The following GNB5 variants were observed in gnomAD, a reference collection of about 807,000 sequenced individuals.
The protein encoded by GNB5 is G protein subunit beta 5.
A neutral mutation model predicts 55.3 loss-of-function variants in GNB5; 37 were observed. The ratio of observed to expected loss-of-function variants is 0.67; its 90% confidence interval spans 0.51 to 0.88. The LOEUF is 0.88. Among genes scored for constraint, GNB5 ranks in the 40% least tolerant of loss-of-function variants. The probability of loss-of-function intolerance (pLI) is 0.00; values close to 1 mark genes in which losing one functional copy is unlikely to be tolerated. For missense variants in GNB5, 476 were observed against 515.3 expected (o/e 0.92, Z 0.74); for synonymous variants, 219 against 198.5 (o/e 1.10, Z -0.87).
chr15:52,185,544 G>C (rs1207823113), intron 1 of GNB5, among the ~76,000 whole-genome samples: 2 of 152,148 alleles, frequency 1.3e-5, no homozygotes, highest in African/African-American at 4.8e-5. Context: ...ACATGGGTAG[G>C]GGCAGGGTGA....
At chr15:52,158,062 A>C (rs1262606454) in intron 3 of GNB5, among the ~76,000 whole-genome samples, 1 of 152,020 alleles carries the variant, frequency 6.6e-6, no homozygotes, top group Non-Finnish European at 1.5e-5. Context: ...TTCTATAATA[A>C]GAATTTGCTA....
intron 7 of GNB5, chr15:52,138,633 A>T (rs1243717789): frequency 1.3e-5 from 2 of 152,044 alleles, no homozygotes; most frequent in Non-Finnish European, 2.9e-5. Context: ...TGGATGCTCA[A>T]ATTCCCTCAA....
At chr15:52,161,708 A>G (rs554258773) in intron 3 of GNB5, among the ~76,000 whole-genome samples, 1 of 152,344 alleles carries the variant, frequency 6.6e-6, no homozygotes, top group East Asian at 1.9e-4. Context: ...GGCTGGAAGA[A>G]TCATGGAAAG....
Position 52,118,896 on chromosome 15 carries a change from C to T in GNB5, c.*3861G>A, listed in dbSNP as rs2033197298. The T allele has an allele frequency of 1.4e-5, 2 of 138,642 alleles. No homozygotes were observed. The highest frequency in any genetic ancestry group is 3.1e-5 in the Non-Finnish European group (2 of 65,554). 8.6% of individuals were successfully genotyped at this position (138,642 alleles called of 1,614,324 possible). A position where few individuals can be genotyped will look rare whatever the true frequency, so the allele number is the denominator to read the frequency against. On this transcript the variant is annotated 3_prime_UTR_variant, in exon 13 of 13. Transcript: ENST00000261837. ...AAAAAAAAAAAAAAAAAAAAGTGTA[C>T]AGAGATCCTAAGACCAAAAAGTTTG...
intron 3 of GNB5, among the ~76,000 whole-genome samples, chr15:52,170,310 C>T (rs541784666): frequency 3.9e-5 from 6 of 152,084 alleles, no homozygotes; most frequent in Non-Finnish European, 7.4e-5. Flanking sequence ...GTGAAATGAA[C>T]CCAAATGGTC....
chr15:52,141,797 T>C (rs1006054312), intron 6 of GNB5, among the ~76,000 whole-genome samples: 3 of 152,222 alleles, frequency 2.0e-5, no homozygotes, highest in Admixed American at 6.5e-5. Context: ...CTCCTGTCTA[T>C]CTACCACATC....
At chr15:52,136,130 AC>A (rs2033710382) in intron 7 of GNB5, among the ~76,000 whole-genome samples, 3 of 92,618 alleles carry the variant, frequency 3.2e-5, no homozygotes, top group African/African-American at 1.2e-4. Flanking sequence ...ACACACACAC[AC>A]ACACACACAC....
intron 11 of GNB5, 71 bp from the exon 12 acceptor site, chr15:52,124,710 C>G (rs1457640435): frequency 2.3e-6 from 3 of 1,306,856 alleles, no homozygotes; most frequent in Admixed American, 1.8e-5. Context: ...ATGACTGTTA[C>G]TCACTCATTC....
intron 3 of GNB5, among the ~76,000 whole-genome samples, chr15:52,172,406 A>C (rs1243001850): frequency 6.6e-6 from 1 of 151,974 alleles, no homozygotes; most frequent in Non-Finnish European, 1.5e-5. Context: ...TTAGCCTTCC[A>C]AAGTGAGCCA....
At chr15:52,125,768 G>A (rs1179470635) in intron 11 of GNB5, 180 bp downstream of exon 11, 4 of 578,436 alleles carry the variant, frequency 6.9e-6, no homozygotes, top group Middle Eastern at 4.5e-4. Flanking sequence ...GTTGCCTGGG[G>A]CAGGACAAAG....
At position 52,115,378 on chromosome 15, in the gene GNB5, G is replaced by A. The variant is rs1290482264; in HGVS notation, c.*7379C>T. 1 of 152,152 alleles carries A rather than the reference G, an allele frequency of 6.6e-6. No homozygotes were observed. The highest frequency in any genetic ancestry group is 1.5e-5 in the Non-Finnish European group (1 of 68,032). 9.4% of individuals were successfully genotyped at this position (152,152 alleles called of 1,614,324 possible). A position where few individuals can be genotyped will look rare whatever the true frequency, so the allele number is the denominator to read the frequency against. ...CCTGTCTCTGCAACTTGGAAGCTGT[G>A]CAGCTATGGGCAAGTTATTCAACTC... On this transcript the variant is annotated 3_prime_UTR_variant, in exon 13 of 13. Coordinates refer to ENST00000261837, the MANE Select transcript of GNB5 (RefSeq NM_016194.4).
At chr15:52,180,491 C>T (rs1315110744) in intron 2 of GNB5, 1 of 152,268 alleles carries the variant, frequency 6.6e-6, no homozygotes. Flanking sequence ...GCTGGGTTCT[C>T]AGACGGAGTC....
At position 52,182,655 on chromosome 15, in the gene GNB5, AG is replaced by A. The variant is rs367870901; in HGVS notation, c.126+1895del. Among the ~76,000 whole-genome samples the A allele has an allele frequency of 6.0e-3, 915 of 152,326 alleles. 7 individuals are homozygous for A. Among genetic ancestry groups the A allele is most frequent in the South Asian group, 0.043 (206 of 4,822 alleles). ...TAAAGGGTCACTCCTATTCACAAAA[AG>A]GGCCCAATGGGGACTGTGTCTACAT... On this transcript the variant is annotated intron_variant, in intron 2 of 12. Coordinates refer to ENST00000261837, the MANE Select transcript of GNB5 (RefSeq NM_016194.4).
rs1343409188 is a variant in GNB5, at chr15:52,119,930, A to C, written c.*2827T>G. 2 of 152,306 alleles carry C rather than the reference A, an allele frequency of 1.3e-5. No homozygotes were observed. The highest frequency in any genetic ancestry group is 4.8e-5 in the African/African-American group (2 of 41,444). The allele number at this position is 152,306 out of a possible 1,614,324, so 9.4% of individuals were successfully genotyped here. The stretch of plus-strand genomic sequence containing the variant: ...ACCTAGAGAAGGGTGCAAAGGAGGT[A>C]GAAGAGCGGGAAGAGGGCAGTGGCA... On this transcript the variant is annotated 3_prime_UTR_variant, in exon 13 of 13. Coordinates refer to ENST00000261837, the MANE Select transcript of GNB5 (RefSeq NM_016194.4).
At chr15:52,152,606 T>C (rs2034122701) in intron 4 of GNB5, among the ~76,000 whole-genome samples, 1 of 150,462 alleles carries the variant, frequency 6.6e-6, no homozygotes, top group Non-Finnish European at 1.5e-5. Context: ...ATTACAGGCG[T>C]GAGCCACCAT....
chr15:52,155,283 T>G (rs965496539), intron 3 of GNB5, among the ~76,000 whole-genome samples: 2 of 152,174 alleles, frequency 1.3e-5, no homozygotes, highest in Non-Finnish European at 2.9e-5. Context: ...GCCCCTCATG[T>G]CTTCCCAGGG....
intron 6 of GNB5, among the ~76,000 whole-genome samples, chr15:52,144,996 C>T (rs2033939778): frequency 6.6e-6 from 1 of 152,138 alleles, no homozygotes; most frequent in Non-Finnish European, 1.5e-5. Context: ...GTAGTAAGTA[C>T]AGCACTTTCA....
chr15:52,180,192 C>G, intron 2 of GNB5: 2 of 192,318 alleles, frequency 1.0e-5, no homozygotes, highest in Non-Finnish European at 2.1e-5. Flanking sequence ...TGCCCGAGGA[C>G]GCACACAGAG....
chr15:52,132,965 C>G (rs1311329324), intron 9 of GNB5, among the ~76,000 whole-genome samples: 1 of 152,052 alleles, frequency 6.6e-6, no homozygotes, highest in Admixed American at 6.6e-5. Context: ...CATCCCATCT[C>G]CCTGTTTTAC....
Sources: gnomAD v4.1 joint callset for allele counts (sites outside exome capture counted in the v4.1 genomes callset) on GRCh38, gnomAD v4.1.1 for gene constraint, MANE v1.5 for transcripts, NCBI Gene and HGNC (gene_info 2026-07-23, HGNC 2026-07-21) for gene names.